Variants in VPS53 observed in about 807,000 individuals in gnomAD.
The protein encoded by VPS53 is vacuolar protein sorting-associated protein 53 homolog.
A neutral mutation model predicts 107.0 loss-of-function variants in VPS53; 70 were observed. That is an observed-to-expected ratio of 0.65 (90% CI 0.54 to 0.80). VPS53 has a LOEUF of 0.80. Among genes scored for constraint, VPS53 ranks in the 30% least tolerant of loss-of-function variants. The probability of loss-of-function intolerance (pLI) is 0.00; values close to 1 mark genes in which losing one functional copy is unlikely to be tolerated. For missense variants in VPS53, 917 were observed against 1,049.4 expected (o/e 0.87, Z 1.74); for synonymous variants, 409 against 393.3 (o/e 1.04, Z -0.47).
At chr17:542,994 T>C (rs1443990484) in intron 17 of VPS53, among the ~76,000 whole-genome samples, 2 of 149,482 alleles carry the variant, frequency 1.3e-5, no homozygotes, top group East Asian at 3.9e-4. Context: ...AAAAAAAAAA[T>C]CTGCATTTTT....
chr17:605,658 A>G (rs868075708), intron 11 of VPS53, among the ~76,000 whole-genome samples: 3 of 94,778 alleles, frequency 3.2e-5, no homozygotes, highest in Admixed American at 1.0e-4. Context: ...AGTCAGGGAC[A>G]GAAAGGAAGA....
chr17:666,851 G>T (rs192828389), intron 4 of VPS53, among the ~76,000 whole-genome samples: 1 of 151,412 alleles, frequency 6.6e-6, no homozygotes, highest in Non-Finnish European at 1.5e-5. Flanking sequence ...CCCAGGAAAC[G>T]GAAGCTGCAG....
In VPS53 at chr17:520,799, C is replaced by T. The variant is rs1908684139; in HGVS notation, c.2223+802G>A. On this transcript the variant is annotated intron_variant, in intron 20 of 21. Coordinates refer to ENST00000437048, the MANE Select transcript of VPS53 (RefSeq NM_001128159.3). The surrounding 1 kb of genome is among the most constrained non-coding windows in gnomAD (Gnocchi z 4.4). Reference sequence around the variant, plus strand: ...ACCTACATGAGCTCTTCACCCTCACCTACATGAGCTGCTTCACCCTCACCT... The same window carrying T: ...ACCTACATGAGCTCTTCACCCTCACTTACATGAGCTGCTTCACCCTCACCT... 6.6e-6 allele frequency among the ~76,000 whole-genome samples: 1 copy of T among 151,936 alleles called. No homozygotes were observed.
chr17:572,203 T>G (rs1480818341), intron 13 of VPS53, among the ~76,000 whole-genome samples: 2 of 145,416 alleles, frequency 1.4e-5, no homozygotes, highest in Admixed American at 6.8e-5. Context: ...CCGCCCCGTC[T>G]GGGATGTGAG....
At chr17:596,375 G>A (rs1967974598) in intron 12 of VPS53, among the ~76,000 whole-genome samples, 1 of 151,838 alleles carries the variant, frequency 6.6e-6, no homozygotes, top group Admixed American at 6.6e-5. Flanking sequence ...TCTGCCACAG[G>A]CCCTGCCCTT....
intron 12 of VPS53, among the ~76,000 whole-genome samples, chr17:592,920 C>G (rs946173530): frequency 2.6e-5 from 4 of 152,122 alleles, no homozygotes; most frequent in African/African-American, 9.7e-5. Flanking sequence ...TTTCCTGAAT[C>G]TGAATGTTGG....
intron 5 of VPS53, chr17:656,699 AATGT>A (rs781105666): frequency 1.1e-3 from 525 of 495,256 alleles, no homozygotes; most frequent in South Asian, 1.2e-3. Flanking sequence ...CTGACTAAGA[AATGT>A]GTGTGTGTGT....
intron 4 of VPS53, among the ~76,000 whole-genome samples, chr17:694,946 C>T (rs1371035102): frequency 6.6e-6 from 1 of 152,182 alleles, no homozygotes; most frequent in South Asian, 2.1e-4. Context: ...CTCAAGTCAT[C>T]CTCCCACCTA....
intron 11 of VPS53, among the ~76,000 whole-genome samples, chr17:604,299 A>G (rs4968095): frequency 0.39 from 59,334 of 151,560 alleles, 13,061 homozygotes; most frequent in South Asian, 0.5. Context: ...ACCTACTCTC[A>G]CTGGCGTAAA....
intron 16 of VPS53, among the ~76,000 whole-genome samples, 173 bp from the exon 17 acceptor site, chr17:552,123 T>G (rs553112404): frequency 1.3e-5 from 2 of 152,238 alleles, no homozygotes; most frequent in Non-Finnish European, 2.9e-5. Context: ...TGGTTTTATC[T>G]GGGTGTGTCC....
intron 4 of VPS53, among the ~76,000 whole-genome samples, chr17:690,433 G>A (rs1181060551): frequency 2.0e-5 from 3 of 152,218 alleles, no homozygotes; most frequent in Non-Finnish European, 4.4e-5. Context: ...ATGAAAATCC[G>A]GATTTCCGGC....
At chr17:587,815 T>C (rs190583895) in intron 12 of VPS53, among the ~76,000 whole-genome samples, 6 of 152,206 alleles carry the variant, frequency 3.9e-5, no homozygotes, top group Admixed American at 1.3e-4. Flanking sequence ...ACTTGTTAAA[T>C]TGAACTACTC....
intron 17 of VPS53, chr17:537,432 G>GA (rs1395652422): frequency 2.7e-5 from 11 of 405,856 alleles, no homozygotes; most frequent in Non-Finnish European, 4.9e-5. Context: ...CGACCTGCCT[G>GA]AAACAGCCTT....
intron 13 of VPS53, among the ~76,000 whole-genome samples, chr17:577,740 C>A (rs443207): frequency 7.3e-5 from 11 of 151,632 alleles, no homozygotes; most frequent in African/African-American, 2.7e-4. Flanking sequence ...AGAACTTCCC[C>A]CAGAACCTAA....
At chr17:560,863 T>C (rs1415219441) in intron 14 of VPS53, among the ~76,000 whole-genome samples, 1 of 152,226 alleles carries the variant, frequency 6.6e-6, no homozygotes, top group Admixed American at 6.5e-5. Context: ...TCTCTTTAGC[T>C]TGGAATCTCC....
At chr17:631,687 C>T (rs377329904) in intron 7 of VPS53, 59 bp from the exon 8 acceptor site, 57 of 1,524,260 alleles carry the variant, frequency 3.7e-5, no homozygotes, top group Admixed American at 5.1e-5. Context: ...AACTACACAC[C>T]GATCCACAGG....
intron 8 of VPS53, among the ~76,000 whole-genome samples, chr17:629,841 A>G (rs1395193843): frequency 7.0e-6 from 1 of 142,260 alleles, no homozygotes; most frequent in Non-Finnish European, 1.6e-5. Context: ...ACACACACAC[A>G]CACACGAAGT....
intron 11 of VPS53, among the ~76,000 whole-genome samples, chr17:609,282 C>T (rs1310249638): frequency 6.6e-6 from 1 of 152,178 alleles, no homozygotes; most frequent in Admixed American, 6.5e-5. Flanking sequence ...TTCTTTCACT[C>T]GGCATGGTGT....
intron 4 of VPS53, among the ~76,000 whole-genome samples, chr17:677,280 A>G (rs1972206514): frequency 1.3e-5 from 2 of 152,246 alleles, no homozygotes; most frequent in Admixed American, 6.5e-5. Flanking sequence ...AAAAGAGAAG[A>G]AAGTGCTGAT....
Sources: allele counts gnomAD v4.1 joint callset (sites outside exome capture counted in the v4.1 genomes callset), GRCh38; gene constraint gnomAD v4.1.1; non-coding constraint Gnocchi (gnomAD v3.1); transcripts MANE v1.5; gene names NCBI Gene and HGNC (gene_info 2026-07-23, HGNC 2026-07-21).